Variants in SLC9A9 observed in about 807,000 individuals in gnomAD.
SLC9A9 encodes sodium/hydrogen exchanger 9.
Under a neutral mutation model 77.8 loss-of-function variants are expected in SLC9A9, and 62 were observed. The ratio of observed to expected loss-of-function variants is 0.80; its 90% CI spans 0.65 to 0.98. The LOEUF (loss-of-function observed/expected upper bound fraction) is 0.98, where lower values mean the gene tolerates loss of function less well. SLC9A9 is among the 50% of genes least tolerant of loss of function. The pLI, the probability that SLC9A9 is intolerant of heterozygous loss-of-function variation, is 0.00. For missense variants in SLC9A9, 775 were observed against 774.9 expected, an observed-to-expected ratio of 1.00 and a Z score of 0.00; for synonymous variants, 320 against 283.5, an observed-to-expected ratio of 1.13 and a Z score of -1.29.
intron 1 of SLC9A9, among the ~76,000 whole-genome samples, chr3:143,839,895 T>A (rs530884256): frequency 6.6e-6 from 1 of 152,132 alleles, no homozygotes; most frequent in African/African-American, 2.4e-5. Flanking sequence ...CATTACAAAG[T>A]GTTATAGACG....
At chr3:143,611,238 T>A (rs1358909479) in intron 6 of SLC9A9, among the ~76,000 whole-genome samples, 1 of 152,076 alleles carries the variant, frequency 6.6e-6, no homozygotes, top group African/African-American at 2.4e-5. Flanking sequence ...GATAAAAAGA[T>A]GTTTGAGTGA....
intron 11 of SLC9A9, among the ~76,000 whole-genome samples, chr3:143,473,818 G>A (rs1056359482): frequency 7.2e-5 from 11 of 152,138 alleles, no homozygotes; most frequent in African/African-American, 2.2e-4. Context: ...CTTTCAAATC[G>A]AACTACTGTA....
intron 4 of SLC9A9, among the ~76,000 whole-genome samples, chr3:143,744,462 G>T (rs1472711486): frequency 1.3e-5 from 2 of 152,142 alleles, no homozygotes; most frequent in Non-Finnish European, 1.5e-5. Flanking sequence ...TCCCCTGCAG[G>T]TGTCCTTAAC....
chr3:143,516,514 C>T (rs1214323230), intron 9 of SLC9A9, among the ~76,000 whole-genome samples: 5 of 152,074 alleles, frequency 3.3e-5, no homozygotes, highest in East Asian at 1.9e-4. Flanking sequence ...CAATTAAATG[C>T]TACATTTAAT....
At chr3:143,482,997 A>T (rs1220318281) in intron 11 of SLC9A9, among the ~76,000 whole-genome samples, 2 of 152,210 alleles carry the variant, frequency 1.3e-5, no homozygotes, top group Non-Finnish European at 2.9e-5. Flanking sequence ...CAGAGCAGTT[A>T]TGACCTCCTG....
intron 4 of SLC9A9, among the ~76,000 whole-genome samples, chr3:143,746,289 G>A (rs185608747): frequency 1.6e-4 from 24 of 152,252 alleles, no homozygotes; most frequent in African/African-American, 4.6e-4. Flanking sequence ...AGGAAAGGCC[G>A]GCAGTTCATT....
chr3:143,488,564 T>A (rs559434218), intron 11 of SLC9A9, among the ~76,000 whole-genome samples: 66 of 152,138 alleles, frequency 4.3e-4, no homozygotes, highest in African/African-American at 1.5e-3. Context: ...CAAGTGAGAT[T>A]TGTTCCCGGA....
chr3:143,692,370 A>T (rs1207956749), intron 5 of SLC9A9, among the ~76,000 whole-genome samples: 1 of 152,144 alleles, frequency 6.6e-6, no homozygotes, highest in Non-Finnish European at 1.5e-5. Flanking sequence ...TTAAAGAATG[A>T]TTGTTTCAGG....
At chr3:143,501,299 A>C (rs1381679729) in intron 9 of SLC9A9, among the ~76,000 whole-genome samples, 1 of 150,910 alleles carries the variant, frequency 6.6e-6, no homozygotes, top group Non-Finnish European at 1.5e-5. Context: ...CAATTAAAGA[A>C]ATAAAGGATA....
intron 1 of SLC9A9, 66 bp downstream of exon 1, chr3:143,848,082 G>T: frequency 6.9e-7 from 1 of 1,452,600 alleles, no homozygotes; most frequent in South Asian, 1.1e-5. Context: ...TTTGCTATCT[G>T]AGCACAAGTC....
chr3:143,340,758 T>A (rs551006883), intron 14 of SLC9A9, among the ~76,000 whole-genome samples: 1 of 152,316 alleles, frequency 6.6e-6, no homozygotes, highest in Admixed American at 6.5e-5. Context: ...TCAGGTCTTA[T>A]CTCCACTCAC....
intron 4 of SLC9A9, among the ~76,000 whole-genome samples, chr3:143,709,398 G>T (rs765723): frequency 0.33 from 50,709 of 151,894 alleles, 10,686 homozygotes; most frequent in African/African-American, 0.6. Flanking sequence ...AAGCACCTGG[G>T]GATCAGGAGG....
chr3:143,823,900 T>A (rs2009233742), intron 2 of SLC9A9, among the ~76,000 whole-genome samples: 1 of 151,418 alleles, frequency 6.6e-6, no homozygotes, highest in Admixed American at 6.6e-5. Context: ...TTTTATCTCA[T>A]CCTTTTAAAA....
chr3:143,446,155 GA>G (rs1340400043), intron 12 of SLC9A9, among the ~76,000 whole-genome samples: 1 of 151,794 alleles, frequency 6.6e-6, no homozygotes, highest in Non-Finnish European at 1.5e-5. Context: ...TGATATGAGG[GA>G]AAAAAAGAGA....
intron 14 of SLC9A9, among the ~76,000 whole-genome samples, chr3:143,360,179 TTTAAG>T (rs760142992): frequency 1.3e-5 from 2 of 152,188 alleles, no homozygotes; most frequent in East Asian, 1.9e-4. Context: ...AACAAAGTTA[TTTAAG>T]TTATCTGGGA....
chr3:143,355,290 G>T (rs968694287), intron 14 of SLC9A9, among the ~76,000 whole-genome samples: 3 of 152,140 alleles, frequency 2.0e-5, no homozygotes, highest in Non-Finnish European at 4.4e-5. Flanking sequence ...GATAATAAAT[G>T]ACAATATTAT....
chr3:143,409,971 T>G (rs777065217), intron 12 of SLC9A9, among the ~76,000 whole-genome samples: 14 of 152,244 alleles, frequency 9.2e-5, no homozygotes, highest in Non-Finnish European at 1.9e-4. Flanking sequence ...ACTGAGATTG[T>G]GTTTAACTAC....
intron 8 of SLC9A9, among the ~76,000 whole-genome samples, chr3:143,566,732 A>G (rs985860688): frequency 5.3e-5 from 8 of 152,116 alleles, no homozygotes; most frequent in Non-Finnish European, 8.8e-5. Context: ...AGCTGTCTTT[A>G]TTAGAGCAAT....
intron 13 of SLC9A9, among the ~76,000 whole-genome samples, chr3:143,366,895 C>T (rs1188815009): frequency 1.3e-5 from 2 of 152,148 alleles, no homozygotes; most frequent in African/African-American, 4.8e-5. Context: ...GCTCCTCCTG[C>T]AGGCTGAGAT....
Sources: allele counts gnomAD v4.1 joint callset (sites outside exome capture counted in the v4.1 genomes callset), GRCh38; gene constraint gnomAD v4.1.1; transcripts MANE v1.5; gene names NCBI Gene and HGNC (gene_info 2026-07-23, HGNC 2026-07-21).